Variants in FER1L6 observed in about 807,000 individuals in gnomAD.
The protein encoded by FER1L6 is fer-1-like protein 6.
In FER1L6, 177 loss-of-function variants were observed where a neutral mutation model predicts 219.2. The observed-to-expected ratio is 0.81, with a 90% CI of 0.71 to 0.91. The LOEUF (loss-of-function observed/expected upper bound fraction) is 0.91, where lower values mean the gene tolerates loss of function less well. Among genes scored for constraint, FER1L6 ranks in the 40% least tolerant of loss-of-function variants. The pLI is 0.00. For missense variants in FER1L6, 2,153 were observed against 2,259.9 expected (o/e 0.95, Z 0.96); for synonymous variants, 768 against 824.3 (o/e 0.93, Z 1.17).
intron 29 of FER1L6, 140 bp from the exon 30 acceptor site, chr8:124,070,327 C>G: frequency 1.2e-6 from 1 of 829,970 alleles, no homozygotes; most frequent in East Asian, 2.7e-5. Context: ...CCTTATCTCA[C>G]TGAAGATAAA....
rs151232161 is a variant in FER1L6 at position 124,040,144 on chromosome 8, C to T, written c.2589+138C>T. On this transcript the variant is annotated intron_variant, in intron 20 of 40. Coordinates refer to ENST00000522917, the MANE Select transcript of FER1L6 (RefSeq NM_001039112.2). ...TGTGTAGATGTTTCAGACTGAAAAG[C>T]GAATATGTGCCCAGAAGGACTGGTG... is the stretch of plus-strand genomic sequence containing the variant. The T allele has an allele frequency of 1.0e-4, 112 of 1,124,408 alleles. No individual in the cohort carries two copies. The Middle Eastern group carries it at 1.2e-3, about 12-fold the overall frequency. The allele number at this position is 1,124,408 out of a possible 1,614,324, so 69.7% of individuals were successfully genotyped here. A position where few individuals can be genotyped will look rare whatever the true frequency, so the allele number is the denominator to read the frequency against.
intron 1 of FER1L6, among the ~76,000 whole-genome samples, chr8:123,919,035 A>G (rs1291341825): frequency 1.3e-5 from 2 of 152,142 alleles, no homozygotes; most frequent in East Asian, 3.9e-4. Flanking sequence ...AGGCAGTACA[A>G]TAACTCTGGG....
In FER1L6 at chr8:123,975,096, T is replaced by C. The variant is rs115720268; in HGVS notation, c.527-54T>C. 2.5e-3 allele frequency: 3,671 copies of C among 1,464,466 alleles called. 69 individuals are homozygous for C. The African/African-American group carries it at 0.047, about 19-fold the overall frequency. 90.7% of individuals were successfully genotyped at this position (1,464,466 alleles called of 1,614,324 possible). On this transcript the variant is annotated intron_variant, in intron 7 of 40. Transcript: ENST00000522917. ...CCTTGGCGTGTGGGAGAGAAAGGGG[T>C]GGGGCTGCTGGGCCCATCTGTGAAG...
In FER1L6 at chr8:123,963,406, A is replaced by G; in HGVS notation, c.197+8A>G. ...AGCTTCTCCAAAGAGAAGGTACAGT[A>G]TGGATGCAGGTGGTCAACACACATT... On this transcript the variant is annotated splice_region_variant and intron_variant, in intron 3 of 40. Transcript: ENST00000522917. 1 of 1,613,740 alleles carries G rather than the reference A, an allele frequency of 6.2e-7. No homozygotes were observed. The highest frequency in any genetic ancestry group is 1.1e-5 in the South Asian group (1 of 91,064).
At chr8:123,935,156 T>TA (rs1236546153) in intron 1 of FER1L6, among the ~76,000 whole-genome samples, 1 of 152,176 alleles carries the variant, frequency 6.6e-6, no homozygotes, top group African/African-American at 2.4e-5. Context: ...TTCCTCTATG[T>TA]AAAAAAATAT....
At chr8:123,959,884 T>A (rs1815190400) in intron 2 of FER1L6, among the ~76,000 whole-genome samples, 2 of 152,202 alleles carry the variant, frequency 1.3e-5, no homozygotes, top group African/African-American at 4.8e-5. Flanking sequence ...CCATATCAAG[T>A]TACATTTATA....
chr8:123,935,185 T>C lies in FER1L6; in HGVS notation c.-7-20807T>C, dbSNP rs543558006. ...AAAATATATTTCTCCTCTCCTTTCCTTTCCAACCCCCTTTCCCTTTTTATT... is the reference window on the plus strand; with the variant it reads ...AAAATATATTTCTCCTCTCCTTTCCCTTCCAACCCCCTTTCCCTTTTTATT... On this transcript the variant is annotated intron_variant, in intron 1 of 40. Transcript: ENST00000522917. 6.6e-5 allele frequency among the ~76,000 whole-genome samples: 10 copies of C among 152,354 alleles called. No homozygotes were observed. The South Asian group carries it at 2.1e-3, about 32-fold the overall frequency.
At chr8:123,948,241 C>T (rs953863310) in intron 1 of FER1L6, among the ~76,000 whole-genome samples, 1 of 152,206 alleles carries the variant, frequency 6.6e-6, no homozygotes, top group African/African-American at 2.4e-5. Context: ...TGAGGATTTA[C>T]TCAAGGTTGC....
intron 1 of FER1L6, among the ~76,000 whole-genome samples, chr8:123,913,939 T>C (rs1038233761): frequency 2.0e-5 from 3 of 152,136 alleles, no homozygotes; most frequent in Admixed American, 6.6e-5. Context: ...ATGAGAAAGG[T>C]CTGGATACAT....
chr8:123,906,447 C>T (rs1812954292), intron 1 of FER1L6, among the ~76,000 whole-genome samples: 1 of 152,054 alleles, frequency 6.6e-6, no homozygotes, highest in African/African-American at 2.4e-5. Context: ...TCCTTTCTCC[C>T]ATGTTTAGTG....
Position 123,895,987 on chromosome 8 carries a change from T to C in FER1L6, c.-8+43802T>C, listed in dbSNP as rs553520894. Among the ~76,000 whole-genome samples, 3 of 152,334 alleles carry C rather than the reference T, an allele frequency of 2.0e-5. No individual in the cohort carries two copies. In the South Asian group the frequency reaches 6.2e-4, roughly 32 times the overall value. ...TCAAAGGGAGGATAGGATGATACCA[T>C]GCATAGCCCAGGCTGTCTGTGAGTG... is the stretch of plus-strand genomic sequence containing the variant. On this transcript the variant is annotated intron_variant, in intron 1 of 40. Transcript: ENST00000522917.
At chr8:123,870,162 A>G (rs1004205523) in intron 1 of FER1L6, among the ~76,000 whole-genome samples, 2 of 152,250 alleles carry the variant, frequency 1.3e-5, no homozygotes, top group East Asian at 3.8e-4. Context: ...AATTGCTGAT[A>G]GAGATGTGAA....
At chr8:123,965,854 C>A (rs1815510849) in intron 3 of FER1L6, among the ~76,000 whole-genome samples, 153 bp from the exon 4 acceptor site, 1 of 152,150 alleles carries the variant, frequency 6.6e-6, no homozygotes, top group African/African-American at 2.4e-5. Flanking sequence ...GAGGTCAAGT[C>A]ATTTGTCCGC....
chr8:123,925,316 A>G (rs1265450422), intron 1 of FER1L6, among the ~76,000 whole-genome samples: 1 of 152,178 alleles, frequency 6.6e-6, no homozygotes, highest in Non-Finnish European at 1.5e-5. Flanking sequence ...GAGGCCCAGG[A>G]TGGTTTGCTG....
At chr8:123,988,129 T>C (rs143070218) in intron 12 of FER1L6, among the ~76,000 whole-genome samples, 1 of 145,642 alleles carries the variant, frequency 6.9e-6, no homozygotes, top group East Asian at 2.0e-4. Flanking sequence ...AAAAAAAGAG[T>C]TCAGTATAGA....
intron 32 of FER1L6, among the ~76,000 whole-genome samples, chr8:124,076,546 T>C (rs1191757795): frequency 2.0e-5 from 3 of 152,252 alleles, no homozygotes; most frequent in African/African-American, 7.2e-5. Context: ...CTTGGTGATC[T>C]TCTTACCCAT....
At chr8:123,928,835 G>T (rs1813661704) in intron 1 of FER1L6, among the ~76,000 whole-genome samples, 1 of 152,156 alleles carries the variant, frequency 6.6e-6, no homozygotes, top group Non-Finnish European at 1.5e-5. Flanking sequence ...AGGGTTATTT[G>T]CCAGGTCATT....
At chr8:124,065,129 C>T (rs527524883) in intron 26 of FER1L6, among the ~76,000 whole-genome samples, 17 of 152,176 alleles carry the variant, frequency 1.1e-4, no homozygotes, top group African/African-American at 2.4e-4. Flanking sequence ...CATGGTGGCT[C>T]ACACCTGTAA....
chr8:124,094,837 C>T, intron 34 of FER1L6, 59 bp from the exon 35 acceptor site: 1 of 1,571,570 alleles, frequency 6.4e-7, no homozygotes, highest in Non-Finnish European at 8.8e-7. Flanking sequence ...CATGTGGCAG[C>T]CCATCACTGT....
Sources: allele counts gnomAD v4.1 joint callset (sites outside exome capture counted in the v4.1 genomes callset), GRCh38; gene constraint gnomAD v4.1.1; transcripts MANE v1.5; gene names NCBI Gene and HGNC (gene_info 2026-07-23, HGNC 2026-07-21).